LRRC4C: variants seen among roughly 807,000 people sequenced by gnomAD.
LRRC4C encodes the protein leucine rich repeat containing 4C, also known as leucine-rich repeat-containing protein 4C.
LRRC4C carries 5 observed loss-of-function variants against 33.6 expected under a neutral mutation model. The ratio of observed to expected loss-of-function variants is 0.15; its 90% CI spans 0.08 to 0.31. The LOEUF (loss-of-function observed/expected upper bound fraction) is 0.31, where lower values mean the gene tolerates loss of function less well. Ranked by LOEUF, LRRC4C falls within the 10% of genes least tolerant of loss-of-function variation. The probability of loss-of-function intolerance (pLI) is 1.00; values close to 1 mark genes in which losing one functional copy is unlikely to be tolerated. For missense variants in LRRC4C, 560 were observed against 796.7 expected (o/e 0.70, Z 3.58); for synonymous variants, 329 against 302.0 (o/e 1.09, Z -0.93).
At chr11:41,307,917 G>A (rs1950547136) in intron 1 of LRRC4C, among the ~76,000 whole-genome samples, 1 of 152,140 alleles carries the variant, frequency 6.6e-6, no homozygotes, top group Admixed American at 6.5e-5. Flanking sequence ...ATGGTAATGA[G>A]CAGACCTAAG....
At chr11:41,445,681 C>T (rs1273721831) in intron 1 of LRRC4C, among the ~76,000 whole-genome samples, 2 of 152,092 alleles carry the variant, frequency 1.3e-5, no homozygotes, top group African/African-American at 4.8e-5. Flanking sequence ...AATCTTCAGC[C>T]TTCCCATCTG....
intron 4 of LRRC4C, among the ~76,000 whole-genome samples, chr11:40,275,644 A>G (rs1943048922): frequency 6.6e-6 from 1 of 152,174 alleles, no homozygotes. Context: ...CTTTTATTTC[A>G]AAGTCAACAC....
chr11:40,752,726 A>T (rs918481527), intron 2 of LRRC4C, among the ~76,000 whole-genome samples: 1 of 152,128 alleles, frequency 6.6e-6, no homozygotes, highest in Non-Finnish European at 1.5e-5. Flanking sequence ...TTTCACAAAA[A>T]ACTAAAATAG....
chr11:40,734,787 C>G (rs1021941504), intron 2 of LRRC4C, among the ~76,000 whole-genome samples: 2 of 151,958 alleles, frequency 1.3e-5, no homozygotes, highest in Admixed American at 1.3e-4. Context: ...TTTTTGGTGT[C>G]AAGGTAACGG....
chr11:40,906,511 A>C (rs1956423100), intron 2 of LRRC4C, among the ~76,000 whole-genome samples: 1 of 152,202 alleles, frequency 6.6e-6, no homozygotes, highest in Non-Finnish European at 1.5e-5. Context: ...ACTCCATCTC[A>C]AAACAAACAA....
intron 5 of LRRC4C, among the ~76,000 whole-genome samples, chr11:40,164,854 T>C (rs1859455245): frequency 6.6e-6 from 1 of 152,192 alleles, no homozygotes; most frequent in African/African-American, 2.4e-5. Flanking sequence ...CAATATATCA[T>C]ATGCACCCCA....
chr11:40,514,606 T>C (rs1046137858), intron 3 of LRRC4C, among the ~76,000 whole-genome samples: 9 of 152,108 alleles, frequency 5.9e-5, no homozygotes, highest in African/African-American at 2.2e-4. Context: ...TTTAATTCGC[T>C]TCTTATTTTA....
chr11:40,389,827 A>G (rs910328496), intron 3 of LRRC4C, among the ~76,000 whole-genome samples: 2 of 152,280 alleles, frequency 1.3e-5, no homozygotes, highest in South Asian at 2.1e-4. Context: ...CAGGCATACA[A>G]TTAGGAGGAA....
intron 2 of LRRC4C, among the ~76,000 whole-genome samples, chr11:40,656,511 T>C (rs1943120975): frequency 6.6e-6 from 1 of 151,684 alleles, no homozygotes; most frequent in Non-Finnish European, 1.5e-5. Flanking sequence ...CATTTATTGC[T>C]TGATGAACTC....
At chr11:40,706,885 A>G (rs1232985474) in intron 2 of LRRC4C, among the ~76,000 whole-genome samples, 1 of 151,920 alleles carries the variant, frequency 6.6e-6, no homozygotes, top group Non-Finnish European at 1.5e-5. Context: ...CTTTTATTTC[A>G]TTGAACAGTG....
intron 4 of LRRC4C, among the ~76,000 whole-genome samples, chr11:40,261,310 A>G (rs1478408782): frequency 2.0e-5 from 3 of 152,200 alleles, no homozygotes. Context: ...GACAAATGAA[A>G]TGAAAAGATT....
At chr11:41,198,863 G>C (rs925216247) in intron 1 of LRRC4C, among the ~76,000 whole-genome samples, 81 of 152,198 alleles carry the variant, frequency 5.3e-4, no homozygotes, top group Non-Finnish European at 1.5e-4. Context: ...TATATTTACT[G>C]AACAGTTAGT....
chr11:40,995,292 C>A (rs116689961), intron 1 of LRRC4C, among the ~76,000 whole-genome samples: 2 of 152,032 alleles, frequency 1.3e-5, no homozygotes, highest in Admixed American at 1.3e-4. Flanking sequence ...AGAGGGAATA[C>A]CTTGTTCTTA....
intron 6 of LRRC4C, among the ~76,000 whole-genome samples, chr11:40,129,155 C>T (rs905233986): frequency 6.6e-6 from 1 of 152,152 alleles, no homozygotes; most frequent in Admixed American, 6.5e-5. Flanking sequence ...TAAGTCAAGG[C>T]TGTAAACGCA....
intron 2 of LRRC4C, among the ~76,000 whole-genome samples, chr11:40,729,932 A>C (rs1947474120): frequency 6.6e-6 from 1 of 152,226 alleles, no homozygotes; most frequent in African/African-American, 2.4e-5. Context: ...AGCCATAAAA[A>C]ATGATGAGTT....
At chr11:40,844,781 CA>C (rs1436497698) in intron 2 of LRRC4C, among the ~76,000 whole-genome samples, 2 of 152,022 alleles carry the variant, frequency 1.3e-5, no homozygotes, top group African/African-American at 4.8e-5. Flanking sequence ...GGCCATTTTA[CA>C]ACAATGAAAG....
At chr11:40,668,867 T>C (rs1361415176) in intron 2 of LRRC4C, among the ~76,000 whole-genome samples, 1 of 152,124 alleles carries the variant, frequency 6.6e-6, no homozygotes, top group Admixed American at 6.6e-5. Context: ...CTAGATGAAT[T>C]GATTTTTGGT....
chr11:41,315,663 C>T (rs1565574713), intron 1 of LRRC4C, among the ~76,000 whole-genome samples: 1 of 151,472 alleles, frequency 6.6e-6, no homozygotes, highest in East Asian at 1.9e-4. Flanking sequence ...CCTTAAGCTG[C>T]CCTTGCATTC....
chr11:41,385,421 G>A (rs542619036), intron 1 of LRRC4C, among the ~76,000 whole-genome samples: 31 of 151,302 alleles, frequency 2.0e-4, no homozygotes, highest in African/African-American at 7.2e-4. Context: ...GTGATACAGA[G>A]TATAAAGATT....
Sources: gnomAD v4.1 joint callset for allele counts (sites outside exome capture counted in the v4.1 genomes callset) on GRCh38, gnomAD v4.1.1 for gene constraint, MANE v1.5 for transcripts, NCBI Gene and HGNC (gene_info 2026-07-23, HGNC 2026-07-21) for gene names.